The following CHMP3 variants were observed in gnomAD, a reference collection of about 807,000 sequenced individuals.
CHMP3 encodes the protein 25.1 protein.
CHMP3 carries 8 observed loss-of-function variants against 27.4 expected under a neutral mutation model. The observed-to-expected ratio is 0.29, with a 90% CI of 0.17 to 0.53. The LOEUF is 0.53. Ranked by LOEUF, CHMP3 falls within the 20% of genes least tolerant of loss-of-function variation. The probability of loss-of-function intolerance (pLI) is 0.96; values close to 1 mark genes in which losing one functional copy is unlikely to be tolerated. For synonymous variants in CHMP3, 86 were observed against 85.5 expected (o/e 1.01, Z -0.03); for missense variants, 208 against 271.5 (o/e 0.77, Z 1.64).
chr2:86,546,372 G>GC (rs1168250126), intron 1 of CHMP3, among the ~76,000 whole-genome samples: 2 of 25,696 alleles, frequency 7.8e-5, no homozygotes, highest in East Asian at 2.4e-3. Flanking sequence ...GGGAGGGGAA[G>GC]GGGGGGAGGG....
Position 86,507,471 on chromosome 2 carries a change from G to A in CHMP3, c.523+8C>T, listed in dbSNP as rs1028687719. ...AGAGAGGAGAAAGGATGGATCTCAC[G>A]GTCATACCTGCTGTAATTTCAAAGA... On this transcript the variant is annotated splice_region_variant and intron_variant, in intron 5 of 5. Transcript: ENST00000263856. The A allele has an allele frequency of 1.8e-5, 29 of 1,610,970 alleles. No individual in the cohort carries two copies. The highest frequency in any genetic ancestry group is 1.6e-4 in the Middle Eastern group (1 of 6,074).
At chr2:86,530,672 TTGTGTA>T (rs1200425415) in intron 2 of CHMP3, among the ~76,000 whole-genome samples, 2 of 152,220 alleles carry the variant, frequency 1.3e-5, no homozygotes, top group African/African-American at 4.8e-5. Context: ...CTGCTATCTT[TTGTGTA>T]TATGCCTAAA....
Position 86,529,337 on chromosome 2 carries a change from T to TG in CHMP3, c.166dup (p.Gln56ProfsTer94). ...GGCCAGAACTATGCAGACATCCTTC[T>TG]GGCCCTTCTTGGCAGCATCTTTCAC... On this transcript the variant is annotated frameshift_variant, in exon 3 of 6. Transcript: ENST00000263856. LOFTEE classifies it high-confidence loss of function. 6.2e-7 allele frequency: 1 copy of TG among 1,611,774 alleles called. No individual in the cohort carries two copies. Among genetic ancestry groups the TG allele is most frequent in the Non-Finnish European group, 8.5e-7 (1 of 1,179,314 alleles).
intron 1 of CHMP3, among the ~76,000 whole-genome samples, chr2:86,546,808 C>G (rs146844890): frequency 3.3e-4 from 50 of 152,224 alleles, no homozygotes; most frequent in African/African-American, 1.0e-3. Flanking sequence ...TTATTCATAT[C>G]TTCTGCCCAT....
chr2:86,547,125 T>A (rs1358588787), intron 1 of CHMP3, among the ~76,000 whole-genome samples: 2 of 152,174 alleles, frequency 1.3e-5, no homozygotes, highest in African/African-American at 4.8e-5. Context: ...TACCCCCACC[T>A]CTTTTGGAGA....
At chr2:86,514,460 TC>T (rs1436619247) in intron 3 of CHMP3, among the ~76,000 whole-genome samples, 1 of 152,172 alleles carries the variant, frequency 6.6e-6, no homozygotes, top group African/African-American at 2.4e-5. Context: ...TATAAAACTA[TC>T]CTCAAATAGA....
intron 1 of CHMP3, among the ~76,000 whole-genome samples, chr2:86,559,451 T>TATCC (rs1203091698): frequency 6.6e-6 from 1 of 152,208 alleles, no homozygotes; most frequent in Non-Finnish European, 1.5e-5. Context: ...ACTACCTATC[T>TATCC]ATCCATCCAT....
intron 1 of CHMP3, among the ~76,000 whole-genome samples, chr2:86,556,706 A>C (rs1335723614): frequency 6.6e-6 from 1 of 152,144 alleles, no homozygotes; most frequent in Non-Finnish European, 1.5e-5. Context: ...AAGTGTGTTG[A>C]CTCAAAGCCT....
chr2:86,560,337 A>G (rs1209689578), intron 1 of CHMP3, among the ~76,000 whole-genome samples: 2 of 152,282 alleles, frequency 1.3e-5, no homozygotes, highest in Non-Finnish European at 2.9e-5. Flanking sequence ...TCAATCATAG[A>G]CTGGATTAAG....
chr2:86,519,905 TAAAG>T (rs953989503), intron 3 of CHMP3, among the ~76,000 whole-genome samples: 4 of 152,220 alleles, frequency 2.6e-5, no homozygotes, highest in African/African-American at 9.6e-5. Context: ...CAGCAAGCCT[TAAAG>T]AAACTGAATT....
At chr2:86,546,236 T>C (rs1396817304) in intron 1 of CHMP3, among the ~76,000 whole-genome samples, 1 of 151,600 alleles carries the variant, frequency 6.6e-6, no homozygotes, top group Non-Finnish European at 1.5e-5. Context: ...TGGCGGTGCG[T>C]GCCTGCAATC....
At chr2:86,559,241 A>C (rs1179347010) in intron 1 of CHMP3, among the ~76,000 whole-genome samples, 1 of 152,186 alleles carries the variant, frequency 6.6e-6, no homozygotes, top group African/African-American at 2.4e-5. Context: ...CTGCTCTTAG[A>C]CATCAGAACT....
At chr2:86,510,647 C>T in intron 3 of CHMP3, 168 bp from the exon 4 acceptor site, 1 of 958,976 alleles carries the variant, frequency 1.0e-6, no homozygotes, top group Non-Finnish European at 1.5e-6. Context: ...ATTGACTTTC[C>T]TAAATTGTAT....
intron 3 of CHMP3, among the ~76,000 whole-genome samples, chr2:86,518,986 A>G (rs538327078): frequency 6.6e-6 from 1 of 152,216 alleles, no homozygotes; most frequent in Non-Finnish European, 1.5e-5. Context: ...AATATTAAGG[A>G]ATATTAAAGT....
intron 3 of CHMP3, among the ~76,000 whole-genome samples, chr2:86,525,407 T>A (rs1175202153): frequency 1.3e-5 from 2 of 152,084 alleles, no homozygotes; most frequent in African/African-American, 4.8e-5. Flanking sequence ...TGCATATATA[T>A]ACTGTTCTCA....
chr2:86,530,750 T>C (rs1462588662), intron 2 of CHMP3, among the ~76,000 whole-genome samples: 1 of 152,196 alleles, frequency 6.6e-6, no homozygotes, highest in African/African-American at 2.4e-5. Flanking sequence ...AGCTGTACTG[T>C]TTTTCACAGT....
rs532558504 is a variant in CHMP3 at position 86,548,882 on chromosome 2, C to T, written c.46-6570G>A. On this transcript the variant is annotated intron_variant, in intron 1 of 5. Coordinates refer to ENST00000263856, the MANE Select transcript of CHMP3 (RefSeq NM_016079.4). ...GCAGAGGCGCTCCTCACATCCCAGA[C>T]GATGGGCAGCCGGGCAGAGGTGCTC... Among the ~76,000 whole-genome samples, 82 of 139,766 alleles carry T rather than the reference C, an allele frequency of 5.9e-4. 1 individual carries two copies. The highest frequency in any genetic ancestry group is 4.1e-3 in the East Asian group (18 of 4,406). 91.7% of individuals were successfully genotyped at this position (139,766 alleles called of 152,430 possible). A position where few individuals can be genotyped will look rare whatever the true frequency, so the allele number is the denominator to read the frequency against.
At position 86,563,415 on chromosome 2, in the gene CHMP3, C is replaced by T; in HGVS notation, c.-67G>A. 1.3e-6 allele frequency: 2 copies of T among 1,579,094 alleles called. No individual in the cohort carries two copies. The highest frequency in any genetic ancestry group is 2.3e-5 in the South Asian group (2 of 87,570). ...CCGCGCCCAGGCAGGTCACGGGCAG[C>T]CGCCTGGGCGGGGCCCGCGGAAAAG... On this transcript the variant is annotated 5_prime_UTR_variant, in exon 1 of 6. Coordinates refer to ENST00000263856, the MANE Select transcript of CHMP3 (RefSeq NM_016079.4).
intron 1 of CHMP3, chr2:86,562,182 T>G (rs1677398789): frequency 6.6e-6 from 1 of 152,214 alleles, no homozygotes; most frequent in African/African-American, 2.4e-5. Flanking sequence ...TTAACGCACA[T>G]TATGTGCCAG....
Sources: gnomAD v4.1 joint callset for allele counts (sites outside exome capture counted in the v4.1 genomes callset) on GRCh38, gnomAD v4.1.1 for gene constraint, MANE v1.5 for transcripts, NCBI Gene and HGNC (gene_info 2026-07-23, HGNC 2026-07-21) for gene names.